Variants in HPSE2 observed in about 807,000 individuals in gnomAD.
HPSE2 encodes inactive heparanase-2.
In HPSE2, 38 loss-of-function variants were observed where a neutral mutation model predicts 60.5. That is an observed-to-expected ratio of 0.63 (90% CI 0.48 to 0.82). HPSE2 has a LOEUF of 0.82. Ranked by LOEUF, HPSE2 falls within the 40% of genes least tolerant of loss-of-function variation. The pLI is 0.00. For synonymous variants in HPSE2, 295 were observed against 293.2 expected, an observed-to-expected ratio of 1.01 and a Z score of -0.06; for missense variants, 713 against 740.4, an observed-to-expected ratio of 0.96 and a Z score of 0.43.
chr10:98,631,387 G>A (rs780216796), intron 7 of HPSE2, among the ~76,000 whole-genome samples: 25 of 152,278 alleles, frequency 1.6e-4, no homozygotes, highest in East Asian at 1.5e-3. Flanking sequence ...CAATGACTAC[G>A]TTCAAGGATA....
In HPSE2 at chr10:98,940,664, A is replaced by G. The variant is rs1456943711; in HGVS notation, c.611-196608T>C. On this transcript the variant is annotated intron_variant, in intron 3 of 11. Transcript: ENST00000370552. ...AATTCTACCAGAGGTACAAGGAGGA[A>G]CTGGTACCATTCCTTCTGAAACTAT... Among the ~76,000 whole-genome samples, 8 of 138,508 alleles carry G rather than the reference A, an allele frequency of 5.8e-5. No individual in the cohort carries two copies. The East Asian group carries it at 1.0e-3, about 17-fold the overall frequency. 90.9% of individuals were successfully genotyped at this position (138,508 alleles called of 152,430 possible).
chr10:98,573,333 T>G (rs1450456424), intron 9 of HPSE2, among the ~76,000 whole-genome samples: 3 of 152,206 alleles, frequency 2.0e-5, no homozygotes, highest in Non-Finnish European at 2.9e-5. Flanking sequence ...TTAATATGTA[T>G]TAGAAAGAAT....
chr10:98,484,220 TC>T (rs1941354545), intron 10 of HPSE2, among the ~76,000 whole-genome samples: 1 of 151,824 alleles, frequency 6.6e-6, no homozygotes. Flanking sequence ...TGTCCTTCCT[TC>T]CTTCCTTTTT....
At chr10:98,722,694 G>A (rs1948958167) in intron 4 of HPSE2, among the ~76,000 whole-genome samples, 1 of 152,122 alleles carries the variant, frequency 6.6e-6, no homozygotes, top group African/African-American at 2.4e-5. Flanking sequence ...TCTAAAAGGG[G>A]AGAAAAATTC....
intron 3 of HPSE2, among the ~76,000 whole-genome samples, chr10:99,040,705 C>T (rs1339198827): frequency 3.3e-5 from 5 of 152,094 alleles, no homozygotes; most frequent in African/African-American, 1.2e-4. Context: ...TCTATAGTTA[C>T]AAAAGGAACT....
chr10:99,009,237 C>A (rs1273463003), intron 3 of HPSE2, among the ~76,000 whole-genome samples: 1 of 46,960 alleles, frequency 2.1e-5, no homozygotes, highest in Non-Finnish European at 3.5e-5. Flanking sequence ...GGCCCAGTGT[C>A]TACAAAAAAA....
chr10:99,209,137 T>A (rs938855139), intron 2 of HPSE2, among the ~76,000 whole-genome samples: 1 of 152,158 alleles, frequency 6.6e-6, no homozygotes, highest in Non-Finnish European at 1.5e-5. Context: ...TACAAACCAA[T>A]TGGACATAAC....
intron 2 of HPSE2, among the ~76,000 whole-genome samples, chr10:99,174,439 C>T (rs1847443692): frequency 6.6e-6 from 1 of 152,200 alleles, no homozygotes; most frequent in African/African-American, 2.4e-5. Context: ...GATGTATCGT[C>T]AACAATGATC....
At chr10:98,571,737 C>A (rs905320171) in intron 9 of HPSE2, among the ~76,000 whole-genome samples, 3 of 152,108 alleles carry the variant, frequency 2.0e-5, no homozygotes, top group South Asian at 4.1e-4. Flanking sequence ...TTCAAAGGTG[C>A]CTTCGAGACA....
chr10:99,132,952 C>A (rs1055091542), intron 3 of HPSE2, among the ~76,000 whole-genome samples: 1 of 152,156 alleles, frequency 6.6e-6, no homozygotes, highest in Non-Finnish European at 1.5e-5. Flanking sequence ...CTCAGAGGGT[C>A]CCACCCCCAC....
At chr10:98,934,382 G>A (rs1179533723) in intron 3 of HPSE2, among the ~76,000 whole-genome samples, 1 of 144,318 alleles carries the variant, frequency 6.9e-6, no homozygotes, top group Non-Finnish European at 1.5e-5. Flanking sequence ...ATTGGTCTGT[G>A]TACTTCAGTG....
rs576756472 is a variant in HPSE2 at position 98,725,667 on chromosome 10, C to T, written c.785-3839G>A. Among the ~76,000 whole-genome samples, 50 of 152,208 alleles carry T rather than the reference C, an allele frequency of 3.3e-4. No homozygotes were observed. The South Asian group carries it at 7.5e-3, about 23-fold the overall frequency. ...ATCTAATTAAACTAAAGAGCTTCTG[C>T]ACAGCAACAGAAACCACCATCAGAG... On this transcript the variant is annotated intron_variant, in intron 4 of 11. Coordinates refer to ENST00000370552, the MANE Select transcript of HPSE2 (RefSeq NM_021828.5).
intron 3 of HPSE2, among the ~76,000 whole-genome samples, chr10:99,026,040 C>T (rs1462241920): frequency 6.6e-6 from 1 of 151,392 alleles, no homozygotes; most frequent in Non-Finnish European, 1.5e-5. Context: ...TAGAGGAACA[C>T]AGGAAGGAAA....
At chr10:98,996,812 T>C (rs1216748145) in intron 3 of HPSE2, among the ~76,000 whole-genome samples, 1 of 152,140 alleles carries the variant, frequency 6.6e-6, no homozygotes, top group African/African-American at 2.4e-5. Flanking sequence ...TCTACAATAG[T>C]CTAACATAAT....
At chr10:98,580,888 T>C (rs1328963687) in intron 9 of HPSE2, among the ~76,000 whole-genome samples, 3 of 147,912 alleles carry the variant, frequency 2.0e-5, no homozygotes, top group African/African-American at 7.6e-5. Context: ...ATATAAAATA[T>C]ATATATATGG....
At chr10:98,675,401 C>T (rs1359131627) in intron 6 of HPSE2, among the ~76,000 whole-genome samples, 1 of 152,018 alleles carries the variant, frequency 6.6e-6, no homozygotes, top group African/African-American at 2.4e-5. Flanking sequence ...ACTTGTGTAA[C>T]AGATGAATAA....
chr10:98,758,642 A>G (rs11189802), intron 3 of HPSE2, among the ~76,000 whole-genome samples: 107,722 of 152,126 alleles, frequency 0.71, 39,184 homozygotes, highest in South Asian at 0.81. Flanking sequence ...GAGACATCAT[A>G]TCATACCAGG....
At chr10:98,953,094 A>G (rs190298843) in intron 3 of HPSE2, among the ~76,000 whole-genome samples, 172 of 152,248 alleles carry the variant, frequency 1.1e-3, no homozygotes, top group African/African-American at 4.0e-3. Flanking sequence ...ACTGTTGCAT[A>G]GTTGAAAAAA....
the HPSE2 span, among the ~76,000 whole-genome samples, chr10:99,313,576 G>C: frequency 6.9e-6 from 1 of 145,330 alleles, no homozygotes; most frequent in Non-Finnish European, 1.5e-5. Flanking sequence ...AGCAGGGTTT[G>C]AGATGACTGA....
Sources: gnomAD v4.1 joint callset for allele counts (sites outside exome capture counted in the v4.1 genomes callset) on GRCh38, gnomAD v4.1.1 for gene constraint, MANE v1.5 for transcripts, NCBI Gene and HGNC (gene_info 2026-07-23, HGNC 2026-07-21) for gene names.